KMT2C: variants seen among roughly 807,000 people sequenced by gnomAD.
KMT2C encodes the protein histone-lysine N-methyltransferase 2C.
In KMT2C, 88 loss-of-function variants were observed where a neutral mutation model predicts 507.9. The ratio of observed to expected loss-of-function variants is 0.17; its 90% CI spans 0.15 to 0.21. The LOEUF is 0.21. Among genes scored for constraint, KMT2C ranks in the 10% least tolerant of loss-of-function variants. The probability of loss-of-function intolerance (pLI) is 1.00; values close to 1 mark genes in which losing one functional copy is unlikely to be tolerated. For missense variants in KMT2C, 4,954 were observed against 5,957.8 expected (o/e 0.83, Z 5.55); for synonymous variants, 2,049 against 2,080.8 (o/e 0.98, Z 0.42).
chr7:152,162,131 G>T lies in KMT2C; in HGVS notation c.11446C>A (p.Pro3816Thr), dbSNP rs1466148960. 6.4e-7 allele frequency: 1 copy of T among 1,560,358 alleles called. No homozygotes were observed. The highest frequency in any genetic ancestry group is 1.4e-5 in the African/African-American group (1 of 72,794). The change falls in exon 43 of 59, where the codon CCA (proline) becomes ACA (threonine). Residue 3816 changes from proline to threonine, a missense_variant. This residue lies in a region of KMT2C where 801 missense variants were observed against 751.2 expected (regional missense o/e 1.07). Coordinates refer to ENST00000262189, the MANE Select transcript of KMT2C (RefSeq NM_170606.3). ...TTTACACTTACCAGTCCTTCAGCTG[G>T]GTTCTGCTTCTCAACTAGTTTATTA... ...KDNKLVEKQN[P>T]AEGLQTLGAQ...
chr7:152,191,005 G>A (rs1489340486), intron 31 of KMT2C, among the ~76,000 whole-genome samples: 3 of 152,038 alleles, frequency 2.0e-5, no homozygotes, highest in Non-Finnish European at 4.4e-5. Flanking sequence ...ACCTTTAAAA[G>A]GAAGAAAGAT....
intron 6 of KMT2C, among the ~76,000 whole-genome samples, chr7:152,294,639 C>G (rs538349846): frequency 1.3e-5 from 2 of 151,976 alleles, no homozygotes; most frequent in East Asian, 1.9e-4. Flanking sequence ...TCTGCCGGAC[C>G]CGCCACTCCC....
At chr7:152,368,714 A>G in intron 1 of KMT2C, 1 of 1,248,124 alleles carries the variant, frequency 8.0e-7, no homozygotes, top group Non-Finnish European at 1.1e-6. Context: ...CAGCTTGGAC[A>G]TCAGTGTTTG....
intron 13 of KMT2C, 122 bp downstream of exon 13, chr7:152,249,754 C>A: frequency 9.8e-6 from 2 of 204,328 alleles, no homozygotes; most frequent in Admixed American, 5.7e-5. Flanking sequence ...TTTCCAGAAT[C>A]TCTTAACTAA....
rs1375046566 is a variant in KMT2C, at chr7:152,150,982, ACCC to A, written c.12689_12691del (p.Arg4230_Val4231delinsIle). The A allele has an allele frequency of 1.9e-6, 3 of 1,612,118 alleles. No homozygotes were observed. The highest frequency in any genetic ancestry group is 2.5e-6 in the Non-Finnish European group (3 of 1,178,606). ...ACTACAGAAGACAATGTCCTTCTCT[ACCC>A]TCTTGGTGCTTTCTCGGGAATCCTG... On this transcript the variant is annotated inframe_deletion, in exon 51 of 59. Coordinates refer to ENST00000262189, the MANE Select transcript of KMT2C (RefSeq NM_170606.3).
At chr7:152,318,497 T>G (rs138412863) in intron 3 of KMT2C, among the ~76,000 whole-genome samples, 3,631 of 136,070 alleles carry the variant, frequency 0.027, 157 homozygotes, top group African/African-American at 0.094. Context: ...ATTGATGGTG[T>G]GCGCCTGTAA....
chr7:152,181,084 G>C lies in KMT2C; in HGVS notation c.6776C>G (p.Pro2259Arg), dbSNP rs1228653298. The change falls in exon 36 of 59, where the codon CCA becomes CGA. Residue 2259 changes from proline (P) to arginine (R), a missense_variant. Transcript: ENST00000262189. The stretch of plus-strand genomic sequence containing the variant: ...CCTTACCAACGGGCCAGGTAAAGCT[G>C]GTCCTCGGTTTTGTGCTGCTTGCAG... ...PFLQAAQNRG[P>R]ALPGPLVRPP... The C allele has an allele frequency of 1.2e-6, 2 of 1,614,028 alleles. No homozygotes were observed. The highest frequency in any genetic ancestry group is 3.3e-5 in the Admixed American group (2 of 59,998).
chr7:152,424,761 T>G (rs2097800998), intron 1 of KMT2C, among the ~76,000 whole-genome samples: 1 of 152,134 alleles, frequency 6.6e-6, no homozygotes. Context: ...TGTGTCTGTA[T>G]TCAACAGGCA....
At chr7:152,147,282 C>A (rs1025950883) in intron 52 of KMT2C, among the ~76,000 whole-genome samples, 7 of 152,178 alleles carry the variant, frequency 4.6e-5, no homozygotes, top group African/African-American at 1.7e-4. Context: ...TGTTTAATTT[C>A]CATCTCTAAA....
chr7:152,408,207 A>T (rs2097640970), intron 1 of KMT2C, among the ~76,000 whole-genome samples: 2 of 152,044 alleles, frequency 1.3e-5, no homozygotes. Flanking sequence ...AGAATCGCTG[A>T]ATCCAGGGAG....
rs977403150 is a variant in KMT2C at position 152,151,066 on chromosome 7, G to T, written c.12667-59C>A. The T allele has an allele frequency of 4.0e-6, 4 of 994,624 alleles. No individual in the cohort carries two copies. The African/African-American group carries it at 6.5e-5, about 16-fold the overall frequency. The allele number at this position is 994,624 out of a possible 1,614,324, so 61.6% of individuals were successfully genotyped here. On this transcript the variant is annotated intron_variant, in intron 50 of 58. Transcript: ENST00000262189. ...ACAAGTCAAAATTTAATAAAAACAG[G>T]ATCTATACATTATTTTTATGTTATA...
intron 2 of KMT2C, among the ~76,000 whole-genome samples, chr7:152,334,477 C>G (rs903634715): frequency 1.3e-5 from 2 of 152,064 alleles, no homozygotes; most frequent in South Asian, 2.1e-4. Flanking sequence ...AGAAAGTAGA[C>G]AAAGGACAAA....
intron 1 of KMT2C, among the ~76,000 whole-genome samples, chr7:152,378,993 C>A (rs2097349756): frequency 6.6e-6 from 1 of 152,094 alleles, no homozygotes; most frequent in African/African-American, 2.4e-5. Context: ...CAAAAAACTT[C>A]CCCCGCACTT....
intron 9 of KMT2C, among the ~76,000 whole-genome samples, chr7:152,258,215 A>G (rs932142594): frequency 6.6e-6 from 1 of 152,198 alleles, no homozygotes; most frequent in African/African-American, 2.4e-5. Context: ...TGTTCAAGTA[A>G]GTGGTGAGGG....
intron 1 of KMT2C, among the ~76,000 whole-genome samples, chr7:152,427,487 A>T (rs2097830098): frequency 6.6e-6 from 1 of 152,076 alleles, no homozygotes. Flanking sequence ...ACATTCTCCC[A>T]CTTCAGGGCC....
intron 6 of KMT2C, among the ~76,000 whole-genome samples, chr7:152,280,692 AC>A (rs2096192847): frequency 6.6e-6 from 1 of 152,190 alleles, no homozygotes; most frequent in Admixed American, 6.5e-5. Context: ...AACAGAGAGC[AC>A]AGGTGAGCCT....
intron 43 of KMT2C, among the ~76,000 whole-genome samples, chr7:152,160,215 G>A (rs1039931750): frequency 6.6e-6 from 1 of 152,026 alleles, no homozygotes; most frequent in Non-Finnish European, 1.5e-5. Context: ...GCTCATGGAG[G>A]GAGGCGAAAG....
intron 28 of KMT2C, among the ~76,000 whole-genome samples, chr7:152,194,797 T>C (rs961903760): frequency 1.3e-5 from 2 of 151,840 alleles, no homozygotes; most frequent in Admixed American, 6.6e-5. Flanking sequence ...AGTAAAAACA[T>C]TTCCTGAGGA....
chr7:152,426,276 C>T (rs2097818542), intron 1 of KMT2C, among the ~76,000 whole-genome samples: 1 of 131,358 alleles, frequency 7.6e-6, no homozygotes, highest in South Asian at 2.4e-4. Flanking sequence ...CTCGCTCTGT[C>T]ACCCAGGCTG....
Sources: gnomAD v4.1 joint callset for allele counts (sites outside exome capture counted in the v4.1 genomes callset) on GRCh38, gnomAD v4.1.1 for gene constraint, gnomAD v4.1.1 regional missense constraint, MANE v1.5 for transcripts, NCBI Gene and HGNC (gene_info 2026-07-23, HGNC 2026-07-21) for gene names.